Variants in KAZN observed in about 807,000 individuals in gnomAD.
KAZN encodes kazrin, periplakin interacting protein.
In KAZN, 40 loss-of-function variants were observed where a neutral mutation model predicts 87.4. The observed-to-expected ratio is 0.46, with a 90% CI of 0.36 to 0.60. KAZN has a LOEUF of 0.60. Among genes scored for constraint, KAZN ranks in the 20% least tolerant of loss-of-function variants. The probability of loss-of-function intolerance (pLI) is 0.00; values close to 1 mark genes in which losing one functional copy is unlikely to be tolerated. For synonymous variants in KAZN, 466 were observed against 458.3 expected, an observed-to-expected ratio of 1.02 and a Z score of -0.22; for missense variants, 898 against 1,073.9, an observed-to-expected ratio of 0.84 and a Z score of 2.29.
In KAZN at chr1:14,200,225, G is replaced by A. The variant is rs188965430; in HGVS notation, c.249+19633G>A. 5.3e-5 allele frequency among the ~76,000 whole-genome samples: 8 copies of A among 152,066 alleles called. No homozygotes were observed. The East Asian group carries it at 9.7e-4, about 18-fold the overall frequency. On this transcript the variant is annotated intron_variant, in intron 2 of 16. Transcript: ENST00000636203. The stretch of plus-strand genomic sequence containing the variant: ...GTAAAATACCCTAGAACCATTAAAC[G>A]CAATTAGGTAGATCTATGTTTATTG...
intron 1 of KAZN, among the ~76,000 whole-genome samples, chr1:14,857,159 CT>C (rs35733125): frequency 0.42 from 63,164 of 151,974 alleles, 15,059 homozygotes; most frequent in African/African-American, 0.65. Context: ...CAGTTTTCTC[CT>C]TTTGCAAAAT....
At chr1:14,045,804 G>C (rs1296820162) in intron 1 of KAZN, among the ~76,000 whole-genome samples, 8 of 152,124 alleles carry the variant, frequency 5.3e-5, no homozygotes, top group Non-Finnish European at 4.4e-5. Flanking sequence ...TTGTGTAAAG[G>C]ACTTAACATA....
intron 2 of KAZN, among the ~76,000 whole-genome samples, chr1:15,013,095 C>T (rs548650080): frequency 1.6e-4 from 25 of 152,274 alleles, no homozygotes; most frequent in Admixed American, 7.2e-4. Context: ...TCCCCAGACA[C>T]GCCAGGTTTC....
In KAZN at chr1:14,116,635, G is replaced by T. The variant is rs551063008; in HGVS notation, c.92-63800G>T. On this transcript the variant is annotated intron_variant, in intron 1 of 16. Coordinates refer to the KAZN transcript ENST00000636203. ...AATGTGGGGTCAGAGCCCCCCACAT[G>T]GAGTCCCTACTGGGATGCTGCTTAG... Among the ~76,000 whole-genome samples, 93 of 152,314 alleles carry T rather than the reference G, an allele frequency of 6.1e-4. 3 individuals are homozygous for T. The South Asian group carries it at 0.018, about 30-fold the overall frequency.
At chr1:13,986,352 A>G (rs1388953235) in intron 1 of KAZN, among the ~76,000 whole-genome samples, 1 of 152,182 alleles carries the variant, frequency 6.6e-6, no homozygotes, top group Non-Finnish European at 1.5e-5. Context: ...AATGTTTGTT[A>G]TAATTTTCAC....
chr1:14,774,960 T>G (rs188393744), intron 1 of KAZN, among the ~76,000 whole-genome samples: 1 of 152,288 alleles, frequency 6.6e-6, no homozygotes, highest in Admixed American at 6.5e-5. Flanking sequence ...AGCACTTGAT[T>G]GATCAAAAGC....
intron 8 of KAZN, among the ~76,000 whole-genome samples, chr1:15,086,039 C>T (rs533479194): frequency 1.3e-5 from 2 of 152,196 alleles, no homozygotes; most frequent in South Asian, 2.1e-4. Context: ...GGTGCGATCT[C>T]GGCTCACTGC....
At chr1:14,262,262 A>C (rs1216925713) in intron 2 of KAZN, among the ~76,000 whole-genome samples, 1 of 152,168 alleles carries the variant, frequency 6.6e-6, no homozygotes, top group African/African-American at 2.4e-5. Flanking sequence ...AAAAATAAAA[A>C]TTTAAAAAGA....
intron 2 of KAZN, among the ~76,000 whole-genome samples, chr1:14,419,000 T>C (rs149258844): frequency 1.3e-5 from 2 of 152,330 alleles, no homozygotes; most frequent in African/African-American, 2.4e-5. Flanking sequence ...GCCATTCGGA[T>C]ACAACTGTCA....
chr1:14,305,592 C>G (rs1654862832), intron 2 of KAZN, among the ~76,000 whole-genome samples: 2 of 151,986 alleles, frequency 1.3e-5, no homozygotes, highest in South Asian at 2.1e-4. Flanking sequence ...CAAGATTACC[C>G]CAGTTAATCT....
chr1:14,341,375 T>C (rs1415338212), intron 2 of KAZN, among the ~76,000 whole-genome samples: 1 of 152,188 alleles, frequency 6.6e-6, no homozygotes, highest in Non-Finnish European at 1.5e-5. Flanking sequence ...TGCAATCCTG[T>C]TGAATCCTAA....
chr1:13,942,588 C>G (rs911243621), intron 1 of KAZN, among the ~76,000 whole-genome samples: 1 of 148,454 alleles, frequency 6.7e-6, no homozygotes, highest in African/African-American at 2.5e-5. Flanking sequence ...ATATATAATT[C>G]ACCAACACCT....
chr1:14,511,073 A>T (rs1169890362), intron 2 of KAZN, among the ~76,000 whole-genome samples: 2 of 148,426 alleles, frequency 1.3e-5, no homozygotes, highest in Non-Finnish European at 3.0e-5. Flanking sequence ...GACCACTTAC[A>T]TTATTAACAC....
intron 1 of KAZN, among the ~76,000 whole-genome samples, chr1:14,640,299 T>C (rs1377961996): frequency 6.6e-6 from 1 of 152,176 alleles, no homozygotes; most frequent in Non-Finnish European, 1.5e-5. Flanking sequence ...ATTGATTCCA[T>C]TGCAGGTGGA....
intron 1 of KAZN, among the ~76,000 whole-genome samples, chr1:14,054,155 T>C (rs1017208841): frequency 2.0e-5 from 3 of 152,086 alleles, no homozygotes; most frequent in Non-Finnish European, 2.9e-5. Context: ...TTCCAATATA[T>C]TTACTGTAAA....
chr1:14,050,087 T>C (rs1222981123), intron 1 of KAZN, among the ~76,000 whole-genome samples: 3 of 150,328 alleles, frequency 2.0e-5, no homozygotes, highest in South Asian at 4.2e-4. Flanking sequence ...CATGCCTGTG[T>C]ACATGTGTGC....
chr1:14,696,338 G>A (rs1641601283), intron 1 of KAZN, among the ~76,000 whole-genome samples: 1 of 152,214 alleles, frequency 6.6e-6, no homozygotes, highest in Non-Finnish European at 1.5e-5. Context: ...CAGCCTGAGG[G>A]CATCCAGGGG....
chr1:14,314,155 G>A (rs1220892809), intron 2 of KAZN, among the ~76,000 whole-genome samples: 1 of 152,144 alleles, frequency 6.6e-6, no homozygotes, highest in African/African-American at 2.4e-5. Context: ...TGTTGGTTGT[G>A]TGGAGTTTGC....
intron 2 of KAZN, among the ~76,000 whole-genome samples, chr1:14,539,844 A>ATAATT (rs1395377699): frequency 1.3e-5 from 2 of 152,178 alleles, no homozygotes; most frequent in African/African-American, 4.8e-5. Flanking sequence ...ATTAACTTTC[A>ATAATT]TAATTTTTAG....
Sources: allele counts gnomAD v4.1 joint callset (sites outside exome capture counted in the v4.1 genomes callset), GRCh38; gene constraint gnomAD v4.1.1; transcripts MANE v1.5; gene names NCBI Gene and HGNC (gene_info 2026-07-23, HGNC 2026-07-21).